TEAD1: variants seen among roughly 807,000 people sequenced by gnomAD.
TEAD1 encodes transcriptional enhancer factor TEF-1.
In TEAD1, 9 loss-of-function variants were observed where a neutral mutation model predicts 54.9. The ratio of observed to expected loss-of-function variants is 0.16; its 90% CI spans 0.10 to 0.29. TEAD1 has a LOEUF of 0.29. Ranked by LOEUF, TEAD1 falls within the 10% of genes least tolerant of loss-of-function variation. The pLI, the probability that TEAD1 is intolerant of heterozygous loss-of-function variation, is 1.00. For missense variants in TEAD1, 387 were observed against 535.9 expected, an observed-to-expected ratio of 0.72 and a Z score of 2.74; for synonymous variants, 200 against 187.8, an observed-to-expected ratio of 1.07 and a Z score of -0.53.
chr11:12,827,097 CT>C (rs1326666037), intron 3 of TEAD1, among the ~76,000 whole-genome samples: 1 of 152,146 alleles, frequency 6.6e-6, no homozygotes, highest in Admixed American at 6.5e-5. Flanking sequence ...TGTAAGCCTT[CT>C]GGATAGAACT....
Position 12,879,812 on chromosome 11 carries a change from T to G in TEAD1, c.435T>G (p.Ile145Met). 6.2e-7 allele frequency: 1 copy of G among 1,613,972 alleles called. No individual in the cohort carries two copies. The highest frequency in any genetic ancestry group is 8.5e-7 in the Non-Finnish European group (1 of 1,180,032). Residue 145 changes from isoleucine to methionine, a missense_variant, in exon 6 of 13, where the codon ATT becomes ATG. Physicochemically the swap from Ile to Met is conservative, Grantham distance 10. Around this residue, in one of 5 missense-constraint regions of TEAD1, gnomAD observed 180 missense variants for 180.6 expected, o/e 1.00. Coordinates refer to ENST00000527636, the MANE Select transcript of TEAD1 (RefSeq NM_021961.6). ...ATAACAAGCTGGGGCTGCCTGGGAT[T>G]CCACGCCCGACCTTCCCAGGGGCGC...
chr11:12,930,452 C>A, intron 12 of TEAD1, 126 bp downstream of exon 12: 2 of 1,168,252 alleles, frequency 1.7e-6, no homozygotes, highest in Non-Finnish European at 2.5e-6. Flanking sequence ...GGATTGGGTT[C>A]CTAGTGGTCA....
intron 2 of TEAD1, among the ~76,000 whole-genome samples, chr11:12,689,584 A>G (rs1453429803): frequency 6.6e-6 from 1 of 152,238 alleles, no homozygotes; most frequent in Non-Finnish European, 1.5e-5. Context: ...TGTGACTACC[A>G]TCATCCAGCA....
intron 10 of TEAD1, among the ~76,000 whole-genome samples, chr11:12,922,013 A>G (rs1164702054): frequency 1.3e-5 from 2 of 152,242 alleles, no homozygotes; most frequent in Non-Finnish European, 2.9e-5. Context: ...TATGGGTAAC[A>G]TAAAACCGGA....
intron 7 of TEAD1, 122 bp downstream of exon 7, chr11:12,881,173 C>T: frequency 9.2e-7 from 1 of 1,086,144 alleles, no homozygotes; most frequent in Non-Finnish European, 1.4e-6. Context: ...CACTGAGGTC[C>T]CAGAAGGCAT....
chr11:12,693,725 G>A (rs1471079152), intron 2 of TEAD1, among the ~76,000 whole-genome samples: 1 of 152,208 alleles, frequency 6.6e-6, no homozygotes, highest in Non-Finnish European at 1.5e-5. Context: ...GCAAATAAGA[G>A]TGAAGCATAG....
At chr11:12,715,492 T>TG (rs1194844553) in intron 2 of TEAD1, among the ~76,000 whole-genome samples, 1 of 151,864 alleles carries the variant, frequency 6.6e-6, no homozygotes, top group Non-Finnish European at 1.5e-5. Context: ...TTCACCTGGG[T>TG]GGGGGGCCCA....
intron 8 of TEAD1, 138 bp downstream of exon 8, chr11:12,882,095 G>T: frequency 3.4e-6 from 3 of 877,214 alleles, no homozygotes. Flanking sequence ...GGATCCTTGG[G>T]TAGCCTGTAG....
chr11:12,870,040 C>G (rs1947709088), intron 5 of TEAD1, among the ~76,000 whole-genome samples: 1 of 152,094 alleles, frequency 6.6e-6, no homozygotes, highest in South Asian at 2.1e-4. Context: ...TCACGACACT[C>G]AGCTAATTTT....
chr11:12,920,726 T>C (rs1340949829), intron 10 of TEAD1, among the ~76,000 whole-genome samples: 1 of 152,252 alleles, frequency 6.6e-6, no homozygotes, highest in Non-Finnish European at 1.5e-5. Flanking sequence ...AGTGTATTCA[T>C]AGCACATGGA....
chr11:12,855,258 G>A (rs1365810052), intron 3 of TEAD1, among the ~76,000 whole-genome samples: 1 of 151,754 alleles, frequency 6.6e-6, no homozygotes, highest in Admixed American at 6.6e-5. Context: ...TTGTTGGCTT[G>A]CTTGCTTTCT....
In TEAD1 at chr11:12,894,526, A is replaced by G. The variant is rs1352794767; in HGVS notation, c.700-7414A>G. 5.3e-5 allele frequency among the ~76,000 whole-genome samples: 8 copies of G among 152,060 alleles called. 1 individual carries two copies. Among genetic ancestry groups the G allele is most frequent in the Admixed American group, 5.2e-4 (8 of 15,280 alleles). On this transcript the variant is annotated intron_variant, in intron 9 of 12. Coordinates refer to ENST00000527636, the MANE Select transcript of TEAD1 (RefSeq NM_021961.6). ...ATGGACAACCTCCTAGGCTGTCCCC[A>G]CTCCACTTTTGGGAACAGACTTTGC...
chr11:12,684,265 T>G (rs554925793), intron 2 of TEAD1, among the ~76,000 whole-genome samples: 1 of 152,340 alleles, frequency 6.6e-6, no homozygotes, highest in Non-Finnish European at 1.5e-5. Context: ...ATATTTGAGG[T>G]CATTCCTTAC....
At chr11:12,886,601 A>C in intron 9 of TEAD1, among the ~76,000 whole-genome samples, 1 of 152,180 alleles carries the variant, frequency 6.6e-6, no homozygotes, top group East Asian at 1.9e-4. Context: ...CAAGCACATA[A>C]ATACCCAGTA....
chr11:12,724,834 T>C (rs1944283460), intron 2 of TEAD1, among the ~76,000 whole-genome samples: 1 of 152,156 alleles, frequency 6.6e-6, no homozygotes, highest in Non-Finnish European at 1.5e-5. Context: ...TCTTTTGTGC[T>C]CCAGTAGGCA....
intron 2 of TEAD1, among the ~76,000 whole-genome samples, chr11:12,681,348 T>C (rs1484466063): frequency 6.6e-6 from 1 of 152,242 alleles, no homozygotes; most frequent in Non-Finnish European, 1.5e-5. Context: ...GCATTCAGAA[T>C]ACCTCCCTCA....
intron 2 of TEAD1, among the ~76,000 whole-genome samples, chr11:12,757,303 C>T (rs1185712134): frequency 2.6e-5 from 4 of 152,154 alleles, no homozygotes; most frequent in East Asian, 1.9e-4. Flanking sequence ...CTGGCTGCTC[C>T]GCCTCCCATA....
At chr11:12,898,594 C>T (rs928224705) in intron 9 of TEAD1, among the ~76,000 whole-genome samples, 8 of 151,878 alleles carry the variant, frequency 5.3e-5, no homozygotes, top group African/African-American at 1.9e-4. Flanking sequence ...GGGGTTTCTC[C>T]GTGTTGGCCA....
At chr11:12,773,343 T>C (rs1179152346) in intron 3 of TEAD1, among the ~76,000 whole-genome samples, 3 of 152,240 alleles carry the variant, frequency 2.0e-5, no homozygotes, top group African/African-American at 7.2e-5. Flanking sequence ...TTTTTTTCTT[T>C]TAAACTGCCC....
Sources: gnomAD v4.1 joint callset for allele counts (sites outside exome capture counted in the v4.1 genomes callset) on GRCh38, gnomAD v4.1.1 for gene constraint, gnomAD v4.1.1 regional missense constraint, MANE v1.5 for transcripts, NCBI Gene and HGNC (gene_info 2026-07-23, HGNC 2026-07-21) for gene names.